Variants in ROBO2 observed in about 807,000 individuals in gnomAD.
ROBO2 encodes roundabout guidance receptor 2, also known as roundabout homolog 2.
A neutral mutation model predicts 160.8 loss-of-function variants in ROBO2; 53 were observed. That is an observed-to-expected ratio of 0.33 (90% CI 0.26 to 0.41). The LOEUF (loss-of-function observed/expected upper bound fraction) is 0.41, where lower values mean the gene tolerates loss of function less well. Ranked by LOEUF, ROBO2 falls within the 10% of genes least tolerant of loss-of-function variation. The probability of loss-of-function intolerance (pLI) is 1.00; values close to 1 mark genes in which losing one functional copy is unlikely to be tolerated. For missense variants in ROBO2, 1,577 were observed against 1,722.4 expected (o/e 0.92, Z 1.49); for synonymous variants, 664 against 611.7 (o/e 1.09, Z -1.26).
At chr3:76,207,032 G>C (rs1443848029) in intron 2 of ROBO2, among the ~76,000 whole-genome samples, 1 of 152,056 alleles carries the variant, frequency 6.6e-6, no homozygotes, top group African/African-American at 2.4e-5. Context: ...TAATATGCAA[G>C]GTAATTTGTC....
At chr3:76,080,091 G>A (rs1313088328) in intron 2 of ROBO2, among the ~76,000 whole-genome samples, 2 of 152,090 alleles carry the variant, frequency 1.3e-5, no homozygotes, top group Non-Finnish European at 2.9e-5. Context: ...TGTTGAAGGC[G>A]AAATTAAATC....
intron 2 of ROBO2, among the ~76,000 whole-genome samples, chr3:76,930,357 A>G (rs572685906): frequency 1.3e-5 from 2 of 151,426 alleles, no homozygotes; most frequent in Admixed American, 6.6e-5. Context: ...TTCTCCCTCA[A>G]CTCCCTCAGA....
chr3:77,185,860 G>C (rs7653588), intron 2 of ROBO2, among the ~76,000 whole-genome samples: 11,386 of 151,884 alleles, frequency 0.075, 488 homozygotes, highest in African/African-American at 0.11. Flanking sequence ...AAAAAGGAAT[G>C]AATTAATAGC....
At chr3:77,432,560 A>G (rs1380117505) in intron 2 of ROBO2, among the ~76,000 whole-genome samples, 1 of 152,114 alleles carries the variant, frequency 6.6e-6, no homozygotes, top group African/African-American at 2.4e-5. Flanking sequence ...CCCTGATTTA[A>G]TAAGTAATGT....
At chr3:77,494,030 G>T in intron 5 of ROBO2, among the ~76,000 whole-genome samples, 1 of 152,002 alleles carries the variant, frequency 6.6e-6, no homozygotes, top group East Asian at 1.9e-4. Context: ...ATTCAAAAAT[G>T]CTTTTCATCA....
At chr3:77,218,257 A>G (rs570466573) in intron 2 of ROBO2, among the ~76,000 whole-genome samples, 1 of 152,074 alleles carries the variant, frequency 6.6e-6, no homozygotes, top group Non-Finnish European at 1.5e-5. Flanking sequence ...CATTTCTTTA[A>G]TATGCCAACC....
At chr3:77,464,890 C>T (rs1158869912) in intron 2 of ROBO2, among the ~76,000 whole-genome samples, 1 of 152,114 alleles carries the variant, frequency 6.6e-6, no homozygotes, top group Non-Finnish European at 1.5e-5. Context: ...TTTCCTTTAA[C>T]TAAATATGGG....
At chr3:75,982,386 G>A (rs2065304283) in intron 2 of ROBO2, among the ~76,000 whole-genome samples, 2 of 151,166 alleles carry the variant, frequency 1.3e-5, no homozygotes, top group African/African-American at 2.4e-5. Flanking sequence ...TTACATTCCC[G>A]CCAACAGTGT....
chr3:76,434,012 T>C (rs2076554366), intron 2 of ROBO2: 3 of 1,079,382 alleles, frequency 2.8e-6, no homozygotes, highest in African/African-American at 1.5e-5. Flanking sequence ...TCTGAGGTGG[T>C]TCATTATGGC....
At chr3:75,964,280 A>C (rs978231044) in intron 2 of ROBO2, among the ~76,000 whole-genome samples, 1 of 151,792 alleles carries the variant, frequency 6.6e-6, no homozygotes, top group African/African-American at 2.4e-5. Context: ...GAATGTGTAA[A>C]AAAAATCTAA....
At chr3:77,476,162 G>GT (rs1385852694) in intron 2 of ROBO2, among the ~76,000 whole-genome samples, 6 of 152,140 alleles carry the variant, frequency 3.9e-5, no homozygotes, top group African/African-American at 1.4e-4. Context: ...TAAGGACAGG[G>GT]TTTTTTATTT....
chr3:76,647,954 C>G (rs1015952149), intron 2 of ROBO2, among the ~76,000 whole-genome samples: 1 of 151,964 alleles, frequency 6.6e-6, no homozygotes, highest in African/African-American at 2.4e-5. Flanking sequence ...GAAAGACAGC[C>G]TTGGGTTACA....
chr3:77,028,215 C>T (rs1335418357), intron 2 of ROBO2, among the ~76,000 whole-genome samples: 2 of 152,052 alleles, frequency 1.3e-5, no homozygotes, highest in African/African-American at 4.8e-5. Flanking sequence ...TGTCAGAAAA[C>T]AATGATTAAC....
intron 2 of ROBO2, among the ~76,000 whole-genome samples, chr3:77,354,788 A>T (rs2068831828): frequency 6.6e-6 from 1 of 152,190 alleles, no homozygotes; most frequent in Non-Finnish European, 1.5e-5. Context: ...GAAAGAGTGA[A>T]AAGTCACACA....
intron 2 of ROBO2, among the ~76,000 whole-genome samples, chr3:76,004,630 TA>T (rs1267958117): frequency 2.0e-5 from 3 of 152,132 alleles, no homozygotes; most frequent in African/African-American, 7.2e-5. Flanking sequence ...GGGTCTCTTA[TA>T]AAAAGCTCTA....
intron 4 of ROBO2, among the ~76,000 whole-genome samples, chr3:77,484,401 G>A (rs2085076783): frequency 6.6e-6 from 1 of 151,888 alleles, no homozygotes; most frequent in African/African-American, 2.4e-5. Flanking sequence ...ATTTTTAAGT[G>A]TTTATGAATG....
chr3:76,671,076 A>T (rs1244667364), intron 2 of ROBO2, among the ~76,000 whole-genome samples: 1 of 152,154 alleles, frequency 6.6e-6, no homozygotes, highest in Non-Finnish European at 1.5e-5. Context: ...ACAGTACTTT[A>T]AAACAAAATG....
intron 2 of ROBO2, among the ~76,000 whole-genome samples, chr3:76,796,499 GGAAA>G (rs1204578274): frequency 2.9e-5 from 3 of 103,836 alleles, no homozygotes; most frequent in African/African-American, 1.4e-4. Context: ...AAGGAAGGAA[GGAAA>G]GAAGGAAAGA....
At chr3:75,911,564 T>TTTC (rs1476858084) in intron 1 of ROBO2, among the ~76,000 whole-genome samples, 1 of 135,986 alleles carries the variant, frequency 7.4e-6, no homozygotes, top group Non-Finnish European at 1.6e-5. Context: ...TTTTTTTTTT[T>TTTC]TTTTTTTTTT....
Sources: gnomAD v4.1 joint callset for allele counts (sites outside exome capture counted in the v4.1 genomes callset) on GRCh38, gnomAD v4.1.1 for gene constraint, MANE v1.5 for transcripts, NCBI Gene and HGNC (gene_info 2026-07-23, HGNC 2026-07-21) for gene names.